ACO2: variants seen among roughly 807,000 people sequenced by gnomAD.
ACO2 encodes the protein aconitate hydratase, mitochondrial.
In ACO2, 31 loss-of-function variants were observed where a neutral mutation model predicts 84.5. The ratio of observed to expected loss-of-function variants is 0.37; its 90% CI spans 0.28 to 0.50. The LOEUF is 0.50. ACO2 is among the 20% of genes least tolerant of loss of function. The pLI, the probability that ACO2 is intolerant of heterozygous loss-of-function variation, is 0.97. For missense variants in ACO2, 685 were observed against 1,029.3 expected (o/e 0.67, Z 4.58); for synonymous variants, 414 against 412.7 (o/e 1.00, Z -0.04).
intron 2 of ACO2, among the ~76,000 whole-genome samples, chr22:41,500,620 A>G (rs2066347621): frequency 6.6e-6 from 1 of 151,862 alleles, no homozygotes; most frequent in Admixed American, 6.6e-5. Context: ...CCTGAGCTCA[A>G]GCAATCAGCT....
intron 2 of ACO2, among the ~76,000 whole-genome samples, chr22:41,502,767 C>G (rs189860013): frequency 6.2e-4 from 94 of 152,216 alleles, no homozygotes; most frequent in African/African-American, 2.0e-3. Flanking sequence ...CATCACCATG[C>G]CCAGGTAATT....
chr22:41,508,503 G>T (rs146210517), intron 3 of ACO2, among the ~76,000 whole-genome samples: 1 of 152,222 alleles, frequency 6.6e-6, no homozygotes, highest in Non-Finnish European at 1.5e-5. Context: ...AATTTGAGGC[G>T]GCAGTGGCAT....
At chr22:41,496,649 C>T (rs1260595394) in intron 1 of ACO2, among the ~76,000 whole-genome samples, 1 of 152,178 alleles carries the variant, frequency 6.6e-6, no homozygotes, top group African/African-American at 2.4e-5. Flanking sequence ...TACCTTCTTC[C>T]TATGCACACG....
chr22:41,476,436 A>G (rs1056220054), intron 1 of ACO2, among the ~76,000 whole-genome samples: 3 of 145,006 alleles, frequency 2.1e-5, no homozygotes, highest in African/African-American at 7.7e-5. Context: ...GGCCAGACGC[A>G]GTGGCTCACA....
intron 1 of ACO2, among the ~76,000 whole-genome samples, chr22:41,487,587 G>A (rs2146092284): frequency 6.6e-6 from 1 of 152,232 alleles, no homozygotes; most frequent in Middle Eastern, 3.4e-3. Flanking sequence ...CCTAACTTCT[G>A]TTAACTAGGT....
In ACO2 at chr22:41,515,964, TG is replaced by T; in HGVS notation, c.835+48del. 1 of 1,589,224 alleles carries T rather than the reference TG, an allele frequency of 6.3e-7. No individual in the cohort carries two copies. The highest frequency in any genetic ancestry group is 8.6e-7 in the Non-Finnish European group (1 of 1,166,960). Reference sequence around the variant, plus strand: ...CGTGGCCCCTACCCTGTGCTGGGCCTGATGGGTCTCCAGTTGGGAGTAGAAG... The same window carrying T: ...CGTGGCCCCTACCCTGTGCTGGGCCTATGGGTCTCCAGTTGGGAGTAGAAG... On this transcript the variant is annotated intron_variant, in intron 6 of 17. Transcript: ENST00000216254. The surrounding 1 kb of genome is among the most constrained non-coding windows in gnomAD (Gnocchi z 5.8).
intron 1 of ACO2, among the ~76,000 whole-genome samples, chr22:41,490,505 C>T (rs185521008): frequency 1.7e-3 from 252 of 152,220 alleles, no homozygotes; most frequent in Middle Eastern, 3.4e-3. Context: ...CAATCAGTGC[C>T]CTGTGTATGG....
At chr22:41,525,516 G>C (rs2066575864) in intron 14 of ACO2, among the ~76,000 whole-genome samples, 168 bp downstream of exon 14, 1 of 152,252 alleles carries the variant, frequency 6.6e-6, no homozygotes, top group Non-Finnish European at 1.5e-5. Flanking sequence ...ACGCAGTCCA[G>C]CGTCCCCCTT....
intron 1 of ACO2, among the ~76,000 whole-genome samples, chr22:41,479,805 C>T (rs1254561660): frequency 6.6e-6 from 1 of 152,168 alleles, no homozygotes; most frequent in Non-Finnish European, 1.5e-5. Context: ...GCCTGTGGGG[C>T]CAGAGCAGGG....
intron 1 of ACO2, among the ~76,000 whole-genome samples, chr22:41,493,402 T>C (rs1213247607): frequency 6.6e-6 from 1 of 152,164 alleles, no homozygotes; most frequent in Non-Finnish European, 1.5e-5. Flanking sequence ...TGGCCCCCTC[T>C]TTTAACAGTT....
chr22:41,519,271 G>T (rs542806965), intron 8 of ACO2, among the ~76,000 whole-genome samples: 3 of 152,210 alleles, frequency 2.0e-5, no homozygotes, highest in Admixed American at 6.5e-5. Context: ...AGAGGATCCC[G>T]TCTGCAGGAG....
chr22:41,518,977 G>C (rs1354027146), intron 8 of ACO2, among the ~76,000 whole-genome samples: 1 of 152,208 alleles, frequency 6.6e-6, no homozygotes, highest in East Asian at 1.9e-4. Context: ...AGGGTGACTC[G>C]TGGGCCCCTG....
chr22:41,520,063 A>C, intron 8 of ACO2, 108 bp from the exon 9 acceptor site: 1 of 904,318 alleles, frequency 1.1e-6, no homozygotes, highest in East Asian at 2.7e-5. Flanking sequence ...GTCAAGAGAA[A>C]GTCGTTGGCC....
chr22:41,491,977 G>C (rs961294557), intron 1 of ACO2, among the ~76,000 whole-genome samples: 1 of 152,160 alleles, frequency 6.6e-6, no homozygotes, highest in African/African-American at 2.4e-5. Context: ...AGAGGTAGCA[G>C]GATCTAGAAG....
chr22:41,496,272 G>A (rs1032175399), intron 1 of ACO2, among the ~76,000 whole-genome samples: 2 of 152,054 alleles, frequency 1.3e-5, no homozygotes, highest in African/African-American at 4.8e-5. Flanking sequence ...CTGAGATCGT[G>A]CCACTACACT....
intron 1 of ACO2, 96 bp downstream of exon 1, chr22:41,469,278 G>A: frequency 7.0e-7 from 1 of 1,438,440 alleles, no homozygotes. Context: ...GGCCCAACCT[G>A]GGGCCAACTT....
At chr22:41,491,712 T>C (rs1309126297) in intron 1 of ACO2, among the ~76,000 whole-genome samples, 3 of 152,192 alleles carry the variant, frequency 2.0e-5, no homozygotes, top group African/African-American at 7.2e-5. Context: ...ACATGTGGAG[T>C]GCTTTTATTA....
intron 1 of ACO2, among the ~76,000 whole-genome samples, chr22:41,478,899 T>C (rs2038053928): frequency 6.6e-6 from 1 of 151,970 alleles, no homozygotes; most frequent in Non-Finnish European, 1.5e-5. Flanking sequence ...GCCTCCCAAG[T>C]AGCTGGGACC....
intron 2 of ACO2, among the ~76,000 whole-genome samples, chr22:41,503,582 G>A (rs534694854): frequency 6.6e-6 from 1 of 152,290 alleles, no homozygotes; most frequent in East Asian, 1.9e-4. Flanking sequence ...ACCCGCCTCA[G>A]TCTCCCAAAG....
Sources: gnomAD v4.1 joint callset for allele counts (sites outside exome capture counted in the v4.1 genomes callset) on GRCh38, gnomAD v4.1.1 for gene constraint, Gnocchi (gnomAD v3.1) non-coding constraint, MANE v1.5 for transcripts, NCBI Gene and HGNC (gene_info 2026-07-23, HGNC 2026-07-21) for gene names.